Variants in PAN3 observed in about 807,000 individuals in gnomAD.
PAN3 encodes PAN2-PAN3 deadenylation complex subunit PAN3.
PAN3 carries 19 observed loss-of-function variants against 96.2 expected under a neutral mutation model. The ratio of observed to expected loss-of-function variants is 0.20; its 90% CI spans 0.14 to 0.29. The LOEUF (loss-of-function observed/expected upper bound fraction) is 0.29. PAN3 is among the 10% of genes least tolerant of loss of function. PAN3 has a pLI of 1.00. For synonymous variants in PAN3, 433 were observed against 406.6 expected (o/e 1.06, Z -0.78); for missense variants, 882 against 1,108.1 (o/e 0.80, Z 2.90).
chr13:28,227,019 A>G (rs975129181), intron 6 of PAN3, among the ~76,000 whole-genome samples: 5 of 152,220 alleles, frequency 3.3e-5, no homozygotes, highest in Non-Finnish European at 7.3e-5. Flanking sequence ...TTGCCCTGTA[A>G]TGAGGAGCTC....
rs546695534 is a variant in PAN3 at position 28,256,402 on chromosome 13, G to T, written c.1111G>T (p.Val371Leu). 2.5e-6 allele frequency: 4 copies of T among 1,613,896 alleles called. No individual in the cohort carries two copies. In the African/African-American group the frequency reaches 5.3e-5, roughly 22 times the overall value. The stretch of plus-strand genomic sequence containing the variant: ...CACTCCAAATCCAGCAAGTTACATG[G>T]TGCCTTCTAGTGCCTCTACATCTGT... ...SHTPNPASYM[V>L]PSSASTSVNN... is the part of the protein sequence containing the mutation. Residue 371 changes from valine (V) to leucine (L), a missense_variant, in exon 7 of 19, where the codon GTG (valine) becomes TTG (leucine). Physicochemically the swap from Val to Leu is conservative, Grantham distance 32. This residue lies in a region of PAN3 where 364 missense variants were observed against 513.6 expected (regional missense o/e 0.71). Transcript: ENST00000380958.
chr13:28,142,670 T>G (rs1429827385), intron 1 of PAN3, among the ~76,000 whole-genome samples: 1 of 152,138 alleles, frequency 6.6e-6, no homozygotes, highest in Non-Finnish European at 1.5e-5. Context: ...TGAGCCACCA[T>G]ATATACCATA....
intron 1 of PAN3, among the ~76,000 whole-genome samples, chr13:28,168,706 G>A (rs144023121): frequency 2.3e-3 from 346 of 151,984 alleles, no homozygotes; most frequent in African/African-American, 8.1e-3. Flanking sequence ...GCAACAGAGC[G>A]AGACTCTCTT....
intron 6 of PAN3, among the ~76,000 whole-genome samples, chr13:28,254,318 C>T (rs1338671695): frequency 1.3e-5 from 2 of 152,148 alleles, no homozygotes; most frequent in Non-Finnish European, 1.5e-5. Flanking sequence ...TATGCTATAC[C>T]TACCTCACAG....
intron 5 of PAN3, among the ~76,000 whole-genome samples, chr13:28,209,988 T>A (rs1451471262): frequency 1.3e-5 from 2 of 152,100 alleles, no homozygotes; most frequent in Non-Finnish European, 2.9e-5. Flanking sequence ...CTTGCTTTGT[T>A]GCCCAGGCTG....
At chr13:28,167,081 AATTTTTTTTTTT>A (rs905128378) in intron 1 of PAN3, among the ~76,000 whole-genome samples, 2 of 127,622 alleles carry the variant, frequency 1.6e-5, no homozygotes, top group South Asian at 2.4e-4. Context: ...TTTTTATCTT[AATTTTTTTTTTT>A]TTTTTTTTTT....
intron 4 of PAN3, among the ~76,000 whole-genome samples, chr13:28,178,499 A>C (rs1437988215): frequency 6.6e-6 from 1 of 152,172 alleles, no homozygotes; most frequent in Non-Finnish European, 1.5e-5. Flanking sequence ...AAGTTGAATA[A>C]TTTGATGCCT....
At chr13:28,273,210 T>C (rs1378428132) in intron 14 of PAN3, among the ~76,000 whole-genome samples, 1 of 152,254 alleles carries the variant, frequency 6.6e-6, no homozygotes, top group African/African-American at 2.4e-5. Flanking sequence ...AGTGTTGATT[T>C]AGGCCTCGTG....
At chr13:28,288,314 G>C (rs935701807) in intron 18 of PAN3, among the ~76,000 whole-genome samples, 192 bp downstream of exon 18, 4 of 152,154 alleles carry the variant, frequency 2.6e-5, no homozygotes, top group Non-Finnish European at 5.9e-5. Flanking sequence ...TTTTGGGGCA[G>C]TGGAGGACAG....
chr13:28,220,571 G>T (rs1331530124), intron 6 of PAN3, among the ~76,000 whole-genome samples, 193 bp downstream of exon 6: 1 of 152,060 alleles, frequency 6.6e-6, no homozygotes, highest in Admixed American at 6.5e-5. Flanking sequence ...AAATATGAAT[G>T]AAATTACATA....
At chr13:28,285,380 G>A (rs1284691995) in intron 17 of PAN3, among the ~76,000 whole-genome samples, 1 of 152,092 alleles carries the variant, frequency 6.6e-6, no homozygotes, top group African/African-American at 2.4e-5. Flanking sequence ...TAACTTCCAG[G>A]CAGATTCAAA....
At chr13:28,248,716 T>C (rs887219518) in intron 6 of PAN3, among the ~76,000 whole-genome samples, 14 of 152,094 alleles carry the variant, frequency 9.2e-5, no homozygotes, top group Non-Finnish European at 1.9e-4. Context: ...AGAGATGGGG[T>C]TTCACCATGT....
rs779046443 is a variant in PAN3 at position 28,261,426 on chromosome 13, C to T, written c.1379C>T (p.Thr460Ile). 1.2e-6 allele frequency: 2 copies of T among 1,609,878 alleles called. No homozygotes were observed. Among genetic ancestry groups the T allele is most frequent in the Admixed American group, 3.3e-5 (2 of 59,788 alleles). ...GAGCTGATCAACAGACATTTAATAA[C>T]AATGGCTCAAATTGATCAAGCAGAT... ...RQELINRHLI[T>I]MAQIDQADMP... Residue 460 changes from threonine to isoleucine, a missense_variant, in exon 9 of 19, where the codon ACA becomes ATA. Transcript: ENST00000380958.
chr13:28,197,498 C>T (rs1473896693), intron 5 of PAN3, among the ~76,000 whole-genome samples, 152 bp downstream of exon 5: 1 of 151,140 alleles, frequency 6.6e-6, no homozygotes, highest in African/African-American at 2.4e-5. Flanking sequence ...AGTTAGTGAC[C>T]CTTAACCAAC....
intron 9 of PAN3, among the ~76,000 whole-genome samples, chr13:28,264,064 A>C (rs994759537): frequency 6.6e-6 from 1 of 152,196 alleles, no homozygotes; most frequent in Non-Finnish European, 1.5e-5. Context: ...CAGTGAACAT[A>C]TTCATCTACT....
intron 17 of PAN3, among the ~76,000 whole-genome samples, chr13:28,282,829 C>T (rs1868455756): frequency 1.3e-5 from 2 of 152,160 alleles, no homozygotes; most frequent in African/African-American, 4.8e-5. Context: ...TGGGAATTCT[C>T]ATTATCTCTC....
intron 6 of PAN3, among the ~76,000 whole-genome samples, chr13:28,246,990 C>T (rs954872367): frequency 6.6e-6 from 1 of 152,188 alleles, no homozygotes; most frequent in African/African-American, 2.4e-5. Context: ...TTTTGAGGAA[C>T]CTCCATACTG....
At chr13:28,266,924 A>G (rs1886233633) in intron 10 of PAN3, 48 bp downstream of exon 10, 1 of 1,440,676 alleles carries the variant, frequency 6.9e-7, no homozygotes, top group Non-Finnish European at 9.2e-7. Flanking sequence ...ATTGAGGCTA[A>G]GATTATTCAA....
At chr13:28,139,514 TTGTGTGTG>T (rs10577740) in intron 1 of PAN3, among the ~76,000 whole-genome samples, 77 of 93,132 alleles carry the variant, frequency 8.3e-4, no homozygotes, top group Middle Eastern at 5.6e-3. Context: ...AGGGGTGTGT[TTGTGTGTG>T]TGTGTGTGTG....
Sources: allele counts gnomAD v4.1 joint callset (sites outside exome capture counted in the v4.1 genomes callset), GRCh38; gene constraint gnomAD v4.1.1; regional missense constraint gnomAD v4.1.1; transcripts MANE v1.5; gene names NCBI Gene and HGNC (gene_info 2026-07-23, HGNC 2026-07-21).